Variants in CAMK2G observed in about 807,000 individuals in gnomAD.
The protein encoded by CAMK2G is calcium/calmodulin-dependent protein kinase type II subunit gamma.
Under a neutral mutation model 88.7 loss-of-function variants are expected in CAMK2G, and 23 were observed. That is an observed-to-expected ratio of 0.26 (90% CI 0.19 to 0.37). The LOEUF is 0.37. Ranked by LOEUF, CAMK2G falls within the 10% of genes least tolerant of loss-of-function variation. CAMK2G has a pLI of 1.00. For missense variants in CAMK2G, 476 were observed against 780.8 expected (o/e 0.61, Z 4.65); for synonymous variants, 263 against 294.8 (o/e 0.89, Z 1.11).
chr10:73,826,987 G>A (rs575757203), intron 15 of CAMK2G, among the ~76,000 whole-genome samples: 4 of 152,292 alleles, frequency 2.6e-5, no homozygotes, highest in Admixed American at 6.5e-5. Flanking sequence ...AAACTCACGG[G>A]AGCTCTGCTG....
intron 14 of CAMK2G, among the ~76,000 whole-genome samples, chr10:73,833,083 C>G (rs2092708064): frequency 6.6e-6 from 1 of 151,628 alleles, no homozygotes; most frequent in South Asian, 2.1e-4. Context: ...ACCTCAGCCT[C>G]CCAAGTAGCT....
rs568504660 is a variant in CAMK2G, at chr10:73,824,812, C to T, written c.1155+467G>A. ...AGGCACTCCAGGAGCCTGGAGACCT[C>T]AGCACCATCCAGAGGTGGGGACCCC... On this transcript the variant is annotated intron_variant, in intron 16 of 22. Coordinates refer to ENST00000423381, the MANE Select transcript of CAMK2G (RefSeq NM_001367534.1). Among the ~76,000 whole-genome samples, 29 of 152,354 alleles carry T rather than the reference C, an allele frequency of 1.9e-4. No individual in the cohort carries two copies. The South Asian group carries it at 6.0e-3, about 32-fold the overall frequency.
rs748672896 is a variant in CAMK2G at position 73,839,104 on chromosome 10, C to T, written c.1009+435G>A. On this transcript the variant is annotated intron_variant, in intron 13 of 22. Coordinates refer to ENST00000423381, the MANE Select transcript of CAMK2G (RefSeq NM_001367534.1). The surrounding 1 kb of genome is among the most constrained non-coding windows in gnomAD (Gnocchi z 4.2). ...TTCTGCACTCTGGAGCCTTTCAGAC[C>T]TGGAGGCCAGCAAGCGCCAGACTTC... Among the ~76,000 whole-genome samples, 6 of 152,220 alleles carry T rather than the reference C, an allele frequency of 3.9e-5. No homozygotes were observed. Among genetic ancestry groups the T allele is most frequent in the Non-Finnish European group, 2.9e-5 (2 of 68,038 alleles).
chr10:73,852,394 G>C (rs2094695687), intron 4 of CAMK2G, 75 bp from the exon 5 acceptor site: 1 of 1,212,942 alleles, frequency 8.2e-7, no homozygotes, highest in Non-Finnish European at 1.2e-6. Flanking sequence ...AGAAGAAACA[G>C]GGTCACCCTG....
intron 2 of CAMK2G, among the ~76,000 whole-genome samples, chr10:73,863,976 G>T (rs1017599506): frequency 3.9e-5 from 6 of 152,228 alleles, no homozygotes; most frequent in African/African-American, 1.4e-4. Context: ...AAGTCAGACA[G>T]CCCTGGATTG....
chr10:73,824,231 T>TC, intron 16 of CAMK2G, 147 bp from the exon 17 acceptor site: 1 of 638,608 alleles, frequency 1.6e-6, no homozygotes, highest in Non-Finnish European at 2.8e-6. Flanking sequence ...AGACAAAATA[T>TC]CCCGGCTCAA....
Position 73,839,734 on chromosome 10 carries a change from G to A in CAMK2G, c.947-133C>T. 2.2e-6 allele frequency: 1 copy of A among 453,612 alleles called. No homozygotes were observed. The highest frequency in any genetic ancestry group is 3.6e-6 in the Non-Finnish European group (1 of 278,244). The allele number at this position is 453,612 out of a possible 1,614,324, so 28.1% of individuals were successfully genotyped here. A position where few individuals can be genotyped will look rare whatever the true frequency, so the allele number is the denominator to read the frequency against. ...GCCGAGCTGGGGGAGCGGAGCGCCA[G>A]GGGCAGGCTGAGGAGGTAGGCGCAG... On this transcript the variant is annotated intron_variant, in intron 12 of 22. Transcript: ENST00000423381. The surrounding 1 kb of genome is among the most constrained non-coding windows in gnomAD (Gnocchi z 4.2).
chr10:73,817,232 A>G, intron 20 of CAMK2G, 115 bp from the exon 21 acceptor site: 1 of 1,397,486 alleles, frequency 7.2e-7, no homozygotes. Context: ...ATGCCAGACA[A>G]GACAGCAAAG....
intron 9 of CAMK2G, 102 bp downstream of exon 9, chr10:73,847,886 G>GT: frequency 3.4e-6 from 2 of 596,022 alleles, no homozygotes. Flanking sequence ...TGACACCCCC[G>GT]TATCACGTGA....
intron 14 of CAMK2G, among the ~76,000 whole-genome samples, chr10:73,831,869 A>T (rs957681046): frequency 1.3e-5 from 2 of 152,122 alleles, no homozygotes; most frequent in Admixed American, 6.5e-5. Context: ...CAAAAAACAA[A>T]AAAAAAGATA....
At chr10:73,829,689 A>ATAATG (rs965073352) in intron 14 of CAMK2G, among the ~76,000 whole-genome samples, 3 of 145,614 alleles carry the variant, frequency 2.1e-5, no homozygotes, top group African/African-American at 8.2e-5. Context: ...ATTCATATAT[A>ATAATG]TAAGTAGTGG....
intron 17 of CAMK2G, among the ~76,000 whole-genome samples, chr10:73,822,741 G>C (rs2089412321): frequency 6.6e-6 from 1 of 152,076 alleles, no homozygotes; most frequent in Non-Finnish European, 1.5e-5. Flanking sequence ...CTCAGAGCTG[G>C]CCTGGCTGCC....
At chr10:73,818,857 A>G (rs1455396178) in intron 19 of CAMK2G, 2 of 455,874 alleles carry the variant, frequency 4.4e-6, no homozygotes, top group African/African-American at 4.0e-5. Context: ...TGGTGGGAGG[A>G]AAAGCAGCAG....
In CAMK2G at chr10:73,839,560, C is replaced by T. The variant is rs1298767250; in HGVS notation, c.988G>A (p.Ala330Thr). The T allele has an allele frequency of 8.1e-7, 1 of 1,235,020 alleles. No homozygotes were observed. Among genetic ancestry groups the T allele is most frequent in the African/African-American group, 1.5e-5 (1 of 64,596 alleles). 76.5% of individuals were successfully genotyped at this position (1,235,020 alleles called of 1,614,324 possible). Reference protein sequence around the residue: ...SSAPASPAASAAGLAGQAAKS... With the variant: ...SSAPASPAASTAGLAGQAAKS... ...GTACCTTGCCCGGCCAGGCCGGCGGCGCTCGCGGCAGGCGAGGCGGGGGCG... is the reference window on the plus strand; with the variant it reads ...GTACCTTGCCCGGCCAGGCCGGCGGTGCTCGCGGCAGGCGAGGCGGGGGCG... The change falls in exon 13 of 23, where the codon GCC becomes ACC. Residue 330 changes from alanine (A) to threonine (T), a missense_variant. Physicochemically the swap from Ala to Thr is moderately conservative, Grantham distance 58. This residue lies in a region of CAMK2G where 278 missense variants were observed against 366.5 expected (regional missense o/e 0.76). Coordinates refer to ENST00000423381, the MANE Select transcript of CAMK2G (RefSeq NM_001367534.1). The surrounding 1 kb of genome is among the most constrained non-coding windows in gnomAD (Gnocchi z 4.2).
At chr10:73,832,368 G>A (rs1036145598) in intron 14 of CAMK2G, among the ~76,000 whole-genome samples, 1 of 151,838 alleles carries the variant, frequency 6.6e-6, no homozygotes, top group African/African-American at 2.4e-5. Context: ...GAGTGCAGTG[G>A]CGCACTTGGC....
chr10:73,836,808 C>T (rs2093292452), intron 14 of CAMK2G, among the ~76,000 whole-genome samples: 1 of 152,212 alleles, frequency 6.6e-6, no homozygotes, highest in Admixed American at 6.5e-5. Context: ...AGTCACCTCT[C>T]CTCTACCTTG....
intron 17 of CAMK2G, among the ~76,000 whole-genome samples, chr10:73,823,417 T>C (rs1013225632): frequency 6.6e-6 from 1 of 152,146 alleles, no homozygotes; most frequent in African/African-American, 2.4e-5. Flanking sequence ...GGTTTCACCA[T>C]GTTGCCCAAG....
chr10:73,825,614 T>G (rs140181243), intron 15 of CAMK2G, among the ~76,000 whole-genome samples: 6 of 152,212 alleles, frequency 3.9e-5, no homozygotes, highest in Non-Finnish European at 5.9e-5. Flanking sequence ...TCTCTGCTTA[T>G]GCCAGGTGCC....
chr10:73,860,721 C>T, intron 3 of CAMK2G, 109 bp downstream of exon 3: 1 of 812,914 alleles, frequency 1.2e-6, no homozygotes, highest in South Asian at 1.4e-5. Context: ...AAAACAGACA[C>T]CAGGTGAAGG....
Sources: gnomAD v4.1 joint callset for allele counts (sites outside exome capture counted in the v4.1 genomes callset) on GRCh38, gnomAD v4.1.1 for gene constraint, gnomAD v4.1.1 regional missense constraint, Gnocchi (gnomAD v3.1) non-coding constraint, MANE v1.5 for transcripts, NCBI Gene and HGNC (gene_info 2026-07-23, HGNC 2026-07-21) for gene names.